Variants in TEX2 observed in about 807,000 individuals in gnomAD.
TEX2 encodes testis-expressed protein 2.
Under a neutral mutation model 106.9 loss-of-function variants are expected in TEX2, and 53 were observed. That is an observed-to-expected ratio of 0.50 (90% CI 0.40 to 0.62). TEX2 has a LOEUF of 0.62. TEX2 is among the 20% of genes least tolerant of loss of function. The pLI is 0.00. For synonymous variants in TEX2, 523 were observed against 534.8 expected (o/e 0.98, Z 0.30); for missense variants, 1,207 against 1,379.0 (o/e 0.88, Z 1.98).
chr17:64,201,617 T>C (rs1016833032), intron 2 of TEX2, among the ~76,000 whole-genome samples: 1 of 151,986 alleles, frequency 6.6e-6, no homozygotes, highest in Non-Finnish European at 1.5e-5. Flanking sequence ...GACTCCAAGG[T>C]GTGGGATGCT....
chr17:64,231,567 G>A (rs1402731088), intron 1 of TEX2, among the ~76,000 whole-genome samples: 1 of 152,204 alleles, frequency 6.6e-6, no homozygotes, highest in African/African-American at 2.4e-5. Flanking sequence ...TCTTGTTTCA[G>A]TATTAAGCTT....
At chr17:64,164,840 G>A (rs2031053908) in intron 7 of TEX2, among the ~76,000 whole-genome samples, 2 of 152,164 alleles carry the variant, frequency 1.3e-5, no homozygotes, top group African/African-American at 2.4e-5. Context: ...TTCTGCCTTC[G>A]GCCTGGTTTT....
At chr17:64,196,853 A>G (rs2143925199) in intron 2 of TEX2, among the ~76,000 whole-genome samples, 1 of 152,254 alleles carries the variant, frequency 6.6e-6, no homozygotes, top group East Asian at 1.9e-4. Flanking sequence ...ATTGGGCTGT[A>G]TCAGCTCACA....
intron 1 of TEX2, among the ~76,000 whole-genome samples, chr17:64,249,038 GAAA>G (rs200334858): frequency 8.1e-6 from 1 of 123,064 alleles, no homozygotes. Context: ...TTGTCTCAAA[GAAA>G]AAAAAAAAAA....
Position 64,193,710 on chromosome 17 carries a change from C to T in TEX2, c.2025G>A (p.Gln675=). The stretch of plus-strand genomic sequence containing the variant: ...CTCGCTGGCTAGATCTTGTTCCCTC[C>T]TGAGGGCGGGGTGGCTTCTTAGGGT... ...SEDPKKPPRP[Q]EGTRSSQRDQ... Residue 675 remains glutamine (Q), a synonymous_variant, in exon 4 of 12, where the codon CAG becomes CAA. Transcript: ENST00000584379. 2 of 1,612,672 alleles carry T rather than the reference C, an allele frequency of 1.2e-6. No individual in the cohort carries two copies. Among genetic ancestry groups the T allele is most frequent in the Non-Finnish European group, 1.7e-6 (2 of 1,179,310 alleles).
intron 1 of TEX2, among the ~76,000 whole-genome samples, chr17:64,223,962 C>A (rs2033437346): frequency 6.6e-6 from 1 of 152,162 alleles, no homozygotes; most frequent in Non-Finnish European, 1.5e-5. Flanking sequence ...TCTGAAGGGG[C>A]AAGCCTGGTG....
intron 1 of TEX2, among the ~76,000 whole-genome samples, chr17:64,231,064 G>A (rs1432859535): frequency 3.9e-5 from 6 of 152,216 alleles, no homozygotes; most frequent in African/African-American, 1.4e-4. Flanking sequence ...GCCATTAGGT[G>A]GAGAGTTTCC....
intron 6 of TEX2, among the ~76,000 whole-genome samples, chr17:64,174,316 A>G (rs1326429422): frequency 2.0e-5 from 3 of 152,128 alleles, no homozygotes; most frequent in Non-Finnish European, 2.9e-5. Context: ...GACCTGAGAC[A>G]AAGGAGGGAC....
At chr17:64,244,504 G>GA (rs199984074) in intron 1 of TEX2, among the ~76,000 whole-genome samples, 4,836 of 152,200 alleles carry the variant, frequency 0.032, 130 homozygotes, top group South Asian at 0.1. Context: ...AGCTTCCCAA[G>GA]AAAGATCAAA....
intron 1 of TEX2, among the ~76,000 whole-genome samples, chr17:64,260,665 A>T (rs528123370): frequency 2.2e-4 from 33 of 152,190 alleles, no homozygotes; most frequent in South Asian, 2.1e-4. Flanking sequence ...AGAAAACAGT[A>T]CCTGGCTGAG....
rs537563651 is a variant in TEX2, at chr17:64,258,600, G to T, written c.-26+4568C>A. Among the ~76,000 whole-genome samples, 23 of 152,232 alleles carry T rather than the reference G, an allele frequency of 1.5e-4. No individual in the cohort carries two copies. In the South Asian group the frequency reaches 4.8e-3, roughly 32 times the overall value. The stretch of plus-strand genomic sequence containing the variant: ...CCTGCGTATTGTTTTGTTTTTCAAA[G>T]CACTATCACAAACACCTGAGACTTC... On this transcript the variant is annotated intron_variant, in intron 1 of 11. Coordinates refer to ENST00000584379, the MANE Select transcript of TEX2 (RefSeq NM_001288732.2).
chr17:64,194,952 T>A lies in TEX2; in HGVS notation c.1788A>T (p.Glu596Asp). 1 of 1,614,196 alleles carries A rather than the reference T, an allele frequency of 6.2e-7. No homozygotes were observed. The highest frequency in any genetic ancestry group is 8.5e-7 in the Non-Finnish European group (1 of 1,180,014). ...KNISRRASYN[E>D]PKPEVTYISQ... ...TGATGTAGGTGACCTCTGGCTTGGGTTCATTGTAGCTGGCCCTCCTGGATA... is the reference window on the plus strand; with the variant it reads ...TGATGTAGGTGACCTCTGGCTTGGGATCATTGTAGCTGGCCCTCCTGGATA... The change falls in exon 3 of 12, where the codon GAA (glutamate) becomes GAT (aspartate). Residue 596 changes from glutamate (E) to aspartate (D), a missense_variant. By Grantham distance (45) the Glu-to-Asp change is conservative (BLOSUM62 2). Coordinates refer to ENST00000584379, the MANE Select transcript of TEX2 (RefSeq NM_001288732.2).
intron 2 of TEX2, 111 bp downstream of exon 2, chr17:64,212,463 A>T: frequency 9.7e-7 from 1 of 1,035,660 alleles, no homozygotes; most frequent in East Asian, 2.4e-5. Flanking sequence ...GCTCTTAAAA[A>T]ACACGGCCTG....
In TEX2 at chr17:64,188,213, C is replaced by A; in HGVS notation, c.2379G>T (p.Arg793Ser). 1 of 1,612,642 alleles carries A rather than the reference C, an allele frequency of 6.2e-7. No individual in the cohort carries two copies. Among genetic ancestry groups the A allele is most frequent in the Non-Finnish European group, 8.5e-7 (1 of 1,180,050 alleles). The change falls in exon 5 of 12, where the codon AGG (arginine) becomes AGT (serine). Residue 793 changes from arginine to serine, a missense_variant. Around this residue, in one of 3 missense-constraint regions of TEX2, gnomAD observed 1,067 missense variants for 1,193.6 expected, o/e 0.89. Coordinates refer to ENST00000584379, the MANE Select transcript of TEX2 (RefSeq NM_001288732.2). ...CVPQESRSPQ[R>S]SPLQSAESSP... The stretch of plus-strand genomic sequence containing the variant: ...TGCTCTCCGCACTCTGCAGGGGGCT[C>A]CTCTGGGGGCTTCGGCTTTCCTGGG...
At chr17:64,201,883 C>A (rs1394121557) in intron 2 of TEX2, among the ~76,000 whole-genome samples, 2 of 152,140 alleles carry the variant, frequency 1.3e-5, no homozygotes, top group African/African-American at 4.8e-5. Context: ...TGAGGGAAGC[C>A]TAATTCAGAG....
At chr17:64,172,632 T>C (rs1332399551) in intron 6 of TEX2, among the ~76,000 whole-genome samples, 1 of 152,200 alleles carries the variant, frequency 6.6e-6, no homozygotes, top group African/African-American at 2.4e-5. Flanking sequence ...AGCTGCCCTG[T>C]CCAAGTTCTC....
At chr17:64,212,334 A>G (rs2033028096) in intron 2 of TEX2, among the ~76,000 whole-genome samples, 1 of 152,256 alleles carries the variant, frequency 6.6e-6, no homozygotes, top group Admixed American at 6.5e-5. Flanking sequence ...TGATGTAAAC[A>G]CTATTCTCTA....
Position 64,148,868 on chromosome 17 carries a change from G to C in TEX2, c.*101C>G. Reference sequence around the variant, plus strand: ...GGCAGAAGCAGTCCTTTAAGAAACAGTAGCTGTGGCACAGAGGCCAGTGCT... The same window carrying C: ...GGCAGAAGCAGTCCTTTAAGAAACACTAGCTGTGGCACAGAGGCCAGTGCT... On this transcript the variant is annotated 3_prime_UTR_variant, in exon 12 of 12. Transcript: ENST00000584379. 6.9e-7 allele frequency: 1 copy of C among 1,456,508 alleles called. No individual in the cohort carries two copies. Among genetic ancestry groups the C allele is most frequent in the East Asian group, 2.3e-5 (1 of 42,926 alleles). The allele number at this position is 1,456,508 out of a possible 1,614,324, so 90.2% of individuals were successfully genotyped here.
At chr17:64,243,016 C>G (rs2033917852) in intron 1 of TEX2, among the ~76,000 whole-genome samples, 1 of 151,952 alleles carries the variant, frequency 6.6e-6, no homozygotes, top group Admixed American at 6.6e-5. Context: ...GCAACCTCTG[C>G]CCTCCAGGTT....
Sources: allele counts gnomAD v4.1 joint callset (sites outside exome capture counted in the v4.1 genomes callset), GRCh38; gene constraint gnomAD v4.1.1; regional missense constraint gnomAD v4.1.1; transcripts MANE v1.5; gene names NCBI Gene and HGNC (gene_info 2026-07-23, HGNC 2026-07-21).